Variants in DCAF4 observed in about 807,000 individuals in gnomAD.
The protein encoded by DCAF4 is DDB1- and CUL4-associated factor 4.
Under a neutral mutation model 60.9 loss-of-function variants are expected in DCAF4, and 37 were observed. That is an observed-to-expected ratio of 0.61 (90% confidence interval 0.47 to 0.80). The LOEUF (loss-of-function observed/expected upper bound fraction) is 0.80. Ranked by LOEUF, DCAF4 falls within the 30% of genes least tolerant of loss-of-function variation. DCAF4 has a pLI of 0.00. For missense variants in DCAF4, 577 were observed against 650.0 expected (o/e 0.89, Z 1.22); for synonymous variants, 243 against 254.8 (o/e 0.95, Z 0.44).
intron 1 of DCAF4, among the ~76,000 whole-genome samples, chr14:72,930,407 C>T (rs946201902): frequency 2.6e-5 from 4 of 151,926 alleles, no homozygotes; most frequent in Non-Finnish European, 5.9e-5. Flanking sequence ...TAGCTGGGAC[C>T]ACAGGCGCCC....
In DCAF4 at chr14:72,939,886, G is replaced by T. The variant is rs1434051405; in HGVS notation, c.177G>T (p.Gly59=). Residue 59 remains glycine, a synonymous_variant, in exon 3 of 14, where the codon GGG becomes GGT. Coordinates refer to ENST00000358377, the MANE Select transcript of DCAF4 (RefSeq NM_015604.4). The part of the protein sequence containing the change: ...ESPSTSSGTA[G]TSSVPELPGF... ...CGTCAACCTCGTCTGGCACAGCTGG[G>T]ACCTCCTCTGTGCCAGGTAAGGCCA... The T allele has an allele frequency of 6.2e-7, 1 of 1,609,268 alleles. No individual in the cohort carries two copies. The highest frequency in any genetic ancestry group is 1.1e-5 in the South Asian group (1 of 89,980).
chr14:72,932,387 G>A (rs1370937520), intron 1 of DCAF4, among the ~76,000 whole-genome samples: 2 of 152,092 alleles, frequency 1.3e-5, no homozygotes, highest in Non-Finnish European at 1.5e-5. Context: ...TAAATATCTT[G>A]GAATCATTTT....
chr14:72,961,699 G>T (rs1018298466), downstream of DCAF4, among the ~76,000 whole-genome samples: 23 of 152,366 alleles, frequency 1.5e-4, no homozygotes, highest in Middle Eastern at 3.4e-3. Context: ...TCAGCCCAGA[G>T]GCTCAGGACA....
chr14:72,952,100 C>T (rs1250087076), intron 9 of DCAF4, among the ~76,000 whole-genome samples: 1 of 152,208 alleles, frequency 6.6e-6, no homozygotes, highest in Non-Finnish European at 1.5e-5. Context: ...GCAGACTTAA[C>T]ACGCATGTAA....
At chr14:72,953,161 C>T (rs940915436) in intron 9 of DCAF4, among the ~76,000 whole-genome samples, 6 of 151,494 alleles carry the variant, frequency 4.0e-5, no homozygotes, top group Admixed American at 6.6e-5. Flanking sequence ...CCACCACACC[C>T]GGCTGATTTT....
At chr14:72,938,216 G>A in intron 2 of DCAF4, 146 bp downstream of exon 2, 1 of 1,191,214 alleles carries the variant, frequency 8.4e-7, no homozygotes. Flanking sequence ...GGGGTCTTGA[G>A]GAGAGCCTGC....
At chr14:72,954,133 C>A (rs1891948051) in intron 9 of DCAF4, 31 bp from the exon 10 acceptor site, 2 of 1,612,762 alleles carry the variant, frequency 1.2e-6, no homozygotes, top group Non-Finnish European at 1.7e-6. Context: ...AGAAGGCAGC[C>A]ACACTTTACA....
chr14:72,958,711 G>A lies in DCAF4; in HGVS notation c.1394G>A (p.Ser465Asn), dbSNP rs1315700863. 7 of 1,614,118 alleles carry A rather than the reference G, an allele frequency of 4.3e-6. No individual in the cohort carries two copies. In the East Asian group the frequency reaches 1.3e-4, roughly 31 times the overall value. The stretch of plus-strand genomic sequence containing the variant: ...CCTGCCTCCAAGGCCGACATTCCCA[G>A]TGTGGCCTTCTCGTCGCGGCTGGGG... Reference protein sequence around the residue: ...PYPASKADIPSVAFSSRLGGS... With the variant: ...PYPASKADIPNVAFSSRLGGS... Residue 465 changes from serine (S) to asparagine (N), a missense_variant, in exon 14 of 14, where the codon AGT (serine) becomes AAT (asparagine). By Grantham distance (46) the Ser-to-Asn change is conservative (BLOSUM62 1). Transcript: ENST00000358377.
intron 4 of DCAF4, 140 bp from the exon 5 acceptor site, chr14:72,941,605 C>T (rs971154080): frequency 1.1e-5 from 8 of 736,172 alleles, no homozygotes; most frequent in Middle Eastern, 3.6e-4. Flanking sequence ...GAAAGGACAC[C>T]GTCAGATTTT....
intron 1 of DCAF4, among the ~76,000 whole-genome samples, chr14:72,934,210 A>G (rs374603148): frequency 2.0e-5 from 3 of 150,666 alleles, no homozygotes; most frequent in Non-Finnish European, 2.9e-5. Context: ...CTGGAGTGCA[A>G]TGGCGCTATC....
intron 13 of DCAF4, chr14:72,957,291 G>A (rs960562257): frequency 6.6e-6 from 1 of 152,302 alleles, no homozygotes; most frequent in African/African-American, 2.4e-5. Context: ...ATTAGGAGCA[G>A]CTATCTGGCC....
chr14:72,927,343 C>CTTTTTT (rs547199942), intron 1 of DCAF4, among the ~76,000 whole-genome samples: 4 of 87,346 alleles, frequency 4.6e-5, no homozygotes, highest in African/African-American at 1.3e-4. Flanking sequence ...CGGTGGTGTT[C>CTTTTTT]TTTTTTTTTT....
chr14:72,934,078 C>G lies in DCAF4; in HGVS notation c.-8-3893C>G, dbSNP rs186093533. ...GTCTGCCTCTGCAGGCTCATCCCCC[C>G]CATTTCTTGAACTTCAGGCTCTGGC... On this transcript the variant is annotated intron_variant, in intron 1 of 13. Coordinates refer to ENST00000358377, the MANE Select transcript of DCAF4 (RefSeq NM_015604.4). Among the ~76,000 whole-genome samples, 1,069 of 152,140 alleles carry G rather than the reference C, an allele frequency of 7.0e-3. 11 individuals carry two copies. Among genetic ancestry groups the G allele is most frequent in the Non-Finnish European group, 0.01 (689 of 68,002 alleles).
intron 3 of DCAF4, 51 bp from the exon 4 acceptor site, chr14:72,940,169 T>C (rs1264101997): frequency 2.2e-5 from 36 of 1,606,518 alleles, no homozygotes; most frequent in Non-Finnish European, 3.1e-5. Context: ...CCAACTCAGG[T>C]GGTCAGTTCA....
chr14:72,939,942 A>G, intron 3 of DCAF4, 40 bp downstream of exon 3: 3 of 1,536,464 alleles, frequency 2.0e-6, no homozygotes, highest in Non-Finnish European at 2.6e-6. Context: ...GCCCTTGCAC[A>G]CAGGGAAGGC....
intron 9 of DCAF4, 97 bp downstream of exon 9, chr14:72,951,974 CTG>C: frequency 7.7e-7 from 1 of 1,292,904 alleles, no homozygotes. Context: ...TGCAGAGGCA[CTG>C]TGGGAGGATT....
At position 72,959,118 on chromosome 14, in the gene DCAF4, G is replaced by A; in HGVS notation, c.*313G>A. The A allele has an allele frequency of 9.6e-7, 1 of 1,046,526 alleles. No individual in the cohort carries two copies. The highest frequency in any genetic ancestry group is 1.2e-6 in the Non-Finnish European group (1 of 869,524). 64.8% of individuals were successfully genotyped at this position (1,046,526 alleles called of 1,614,324 possible). On this transcript the variant is annotated 3_prime_UTR_variant, in exon 14 of 14. Coordinates refer to ENST00000358377, the MANE Select transcript of DCAF4 (RefSeq NM_015604.4). The stretch of plus-strand genomic sequence containing the variant: ...AAAAAGGACTTTTCTAAGGACTGAA[G>A]ATTGGCAAAAACGAAAAGCTTCTTC...
At chr14:72,935,035 G>C (rs1284781138) in intron 1 of DCAF4, 1 of 152,146 alleles carries the variant, frequency 6.6e-6, no homozygotes, top group South Asian at 2.1e-4. Context: ...TTCACCTCAC[G>C]TCCAGTATGA....
chr14:72,951,882 A>G lies in DCAF4; in HGVS notation c.808+5A>G. ...TGTTCGTCAATAGTCACCCAGGTACAGGGTTCTCCTCCTTTAAAGAAATCT... is the reference window on the plus strand; with the variant it reads ...TGTTCGTCAATAGTCACCCAGGTACGGGGTTCTCCTCCTTTAAAGAAATCT... On this transcript the variant is annotated splice_donor_5th_base_variant and intron_variant, in intron 9 of 13. Coordinates refer to ENST00000358377, the MANE Select transcript of DCAF4 (RefSeq NM_015604.4). 6.2e-7 allele frequency: 1 copy of G among 1,614,118 alleles called. No individual in the cohort carries two copies. The highest frequency in any genetic ancestry group is 8.5e-7 in the Non-Finnish European group (1 of 1,179,974).
Sources: allele counts gnomAD v4.1 joint callset (sites outside exome capture counted in the v4.1 genomes callset), GRCh38; gene constraint gnomAD v4.1.1; transcripts MANE v1.5; gene names NCBI Gene and HGNC (gene_info 2026-07-23, HGNC 2026-07-21).